VRK3: variants seen among roughly 807,000 people sequenced by gnomAD.
VRK3 encodes VRK serine/threonine kinase 3.
A neutral mutation model predicts 60.4 loss-of-function variants in VRK3; 50 were observed. The ratio of observed to expected loss-of-function variants is 0.83; its 90% CI spans 0.66 to 1.05. The LOEUF (loss-of-function observed/expected upper bound fraction) is 1.05, where lower values mean the gene tolerates loss of function less well. VRK3 is among the 50% of genes least tolerant of loss of function. VRK3 has a pLI of 0.00. For synonymous variants in VRK3, 246 were observed against 227.8 expected, an observed-to-expected ratio of 1.08 and a Z score of -0.72; for missense variants, 549 against 585.3, an observed-to-expected ratio of 0.94 and a Z score of 0.64.
intron 12 of VRK3, 69 bp from the exon 13 acceptor site, chr19:49,981,082 C>G: frequency 8.4e-7 from 1 of 1,188,052 alleles, no homozygotes. Flanking sequence ...AACAGAATGC[C>G]TAAGATATAT....
In VRK3 at chr19:49,988,451, T is replaced by G; in HGVS notation, c.1138A>C (p.Met380Leu). 1.9e-6 allele frequency: 3 copies of G among 1,613,768 alleles called. No homozygotes were observed. Among genetic ancestry groups the G allele is most frequent in the South Asian group, 2.2e-5 (2 of 91,060 alleles). Residue 380 changes from methionine (M) to leucine (L), a missense_variant, in exon 12 of 15, where the codon ATG becomes CTG. Physicochemically the swap from Met to Leu is conservative, Grantham distance 15. Transcript: ENST00000316763. ...AGAAACCCGTAGAGCCACTTCAGCA[T>G]GCAGTAGCCCAGGCTCTGGAGGTCG... ...RSDLQSLGYC[M>L]LKWLYGFLPW...
At chr19:50,007,073 G>A (rs2076904396) in intron 5 of VRK3, among the ~76,000 whole-genome samples, 1 of 152,140 alleles carries the variant, frequency 6.6e-6, no homozygotes, top group African/African-American at 2.4e-5. Context: ...AGGCATCTCA[G>A]ATCTGTGTGG....
chr19:49,987,258 C>T (rs1202438651), intron 12 of VRK3, among the ~76,000 whole-genome samples: 2 of 152,186 alleles, frequency 1.3e-5, no homozygotes, highest in African/African-American at 4.8e-5. Context: ...TGAACTCATA[C>T]CCACAGCGCT....
At chr19:49,993,828 G>A (rs1009970718) in intron 9 of VRK3, among the ~76,000 whole-genome samples, 23 of 152,006 alleles carry the variant, frequency 1.5e-4, no homozygotes, top group African/African-American at 3.4e-4. Context: ...CTCCACCCCC[G>A]GGGCCCGGGA....
intron 12 of VRK3, among the ~76,000 whole-genome samples, chr19:49,985,829 C>T (rs1042542809): frequency 2.6e-5 from 4 of 152,200 alleles, no homozygotes; most frequent in Non-Finnish European, 5.9e-5. Flanking sequence ...TCATAAGCCT[C>T]CTCCACTTGG....
In VRK3 at chr19:49,984,292, G is replaced by GT. The variant is rs1239711079; in HGVS notation, c.1218-3280dup. 5.3e-5 allele frequency among the ~76,000 whole-genome samples: 8 copies of GT among 152,284 alleles called. No individual in the cohort carries two copies. In the East Asian group the frequency reaches 7.7e-4, roughly 15 times the overall value. On this transcript the variant is annotated intron_variant, in intron 12 of 14. Transcript: ENST00000316763. ...GCCTCAGGAACCTGGCACTGAATGC[G>GT]TAAGTGGAGAGGGTTCAGAGCTGTG...
rs1000498962 is a variant in VRK3 at position 49,999,452 on chromosome 19, G to C, written c.612+1338C>G. Reference sequence around the variant, plus strand: ...GAATTGGGTCTGACCCATCTCTGCAGATGTCCCCAGCACTCAGTTCACAGG... The same window carrying C: ...GAATTGGGTCTGACCCATCTCTGCACATGTCCCCAGCACTCAGTTCACAGG... On this transcript the variant is annotated intron_variant, in intron 6 of 14. Transcript: ENST00000316763. 3.3e-5 allele frequency: 5 copies of C among 152,356 alleles called. 1 individual carries two copies. The highest frequency in any genetic ancestry group is 1.2e-4 in the African/African-American group (5 of 41,460). The allele number at this position is 152,356 out of a possible 1,614,324, so 9.4% of individuals were successfully genotyped here.
intron 14 of VRK3, among the ~76,000 whole-genome samples, chr19:49,978,295 A>G (rs2076365707): frequency 6.6e-6 from 1 of 152,222 alleles, no homozygotes; most frequent in African/African-American, 2.4e-5. Context: ...AACTCCGATG[A>G]GAGAAATGAC....
At chr19:49,991,143 C>T (rs887224175) in intron 10 of VRK3, among the ~76,000 whole-genome samples, 3 of 152,114 alleles carry the variant, frequency 2.0e-5, no homozygotes, top group African/African-American at 7.2e-5. Flanking sequence ...GGTGCCCAGA[C>T]ATTTGGCCAA....
intron 6 of VRK3, chr19:49,999,453 A>T (rs1212588546): frequency 6.6e-6 from 1 of 152,368 alleles, no homozygotes; most frequent in Non-Finnish European, 1.5e-5. Context: ...ATCTCTGCAG[A>T]TGTCCCCAGC....
At chr19:49,995,330 G>GT (rs1371371162) in intron 7 of VRK3, 55 bp from the exon 8 acceptor site, 5 of 1,513,792 alleles carry the variant, frequency 3.3e-6, no homozygotes, top group African/African-American at 2.7e-5. Flanking sequence ...GCCCATGGCA[G>GT]TAAGAGCTAG....
intron 4 of VRK3, chr19:50,008,910 C>G (rs1207118700): frequency 4.2e-6 from 1 of 238,284 alleles, no homozygotes; most frequent in Non-Finnish European, 8.2e-6. Context: ...AAAGTGTTTT[C>G]TGGGCAAAGA....
At chr19:50,016,355 A>G (rs11878915) in intron 2 of VRK3, among the ~76,000 whole-genome samples, 192 bp from the exon 3 acceptor site, 3,097 of 152,248 alleles carry the variant, frequency 0.02, 99 homozygotes, top group African/African-American at 0.071. Context: ...AAATATCAAT[A>G]TGCTCCCCTA....
chr19:49,996,944 G>C (rs1004412187), intron 7 of VRK3: 1 of 152,070 alleles, frequency 6.6e-6, no homozygotes. Context: ...AGTACTGGCT[G>C]TCTGTAACAA....
intron 6 of VRK3, chr19:49,998,554 C>T (rs548217557): frequency 4.0e-5 from 6 of 151,620 alleles, no homozygotes; most frequent in Non-Finnish European, 8.8e-5. Flanking sequence ...AGTATAGAGT[C>T]AAACAGATCT....
intron 2 of VRK3, among the ~76,000 whole-genome samples, chr19:50,018,538 C>G (rs1406771220): frequency 6.6e-6 from 1 of 152,190 alleles, no homozygotes; most frequent in African/African-American, 2.4e-5. Context: ...TGGCATAAAT[C>G]TGCCCTTCTG....
In VRK3 at chr19:49,994,749, C is replaced by A. The variant is rs1448130325; in HGVS notation, c.870+65G>T. ...GCCGGAAGTGTCAATGACTAAAGTGCCTGCTAAACTAGGATGTGATGTGCC... is the reference window on the plus strand; with the variant it reads ...GCCGGAAGTGTCAATGACTAAAGTGACTGCTAAACTAGGATGTGATGTGCC... On this transcript the variant is annotated intron_variant, in intron 9 of 14. Transcript: ENST00000316763. 5 of 1,437,108 alleles carry A rather than the reference C, an allele frequency of 3.5e-6. No individual in the cohort carries two copies. In the African/African-American group the frequency reaches 7.1e-5, roughly 20 times the overall value. 89.0% of individuals were successfully genotyped at this position (1,437,108 alleles called of 1,614,324 possible).
At chr19:50,002,595 A>C (rs1249304596) in intron 5 of VRK3, among the ~76,000 whole-genome samples, 1 of 152,148 alleles carries the variant, frequency 6.6e-6, no homozygotes, top group Non-Finnish European at 1.5e-5. Context: ...CAATTTTATA[A>C]TCTGCTTTGC....
rs530411148 is a variant in VRK3 at position 49,985,503 on chromosome 19, A to T, written c.1217+2869T>A. 2.0e-4 allele frequency among the ~76,000 whole-genome samples: 30 copies of T among 152,150 alleles called. No individual in the cohort carries two copies. The South Asian group carries it at 5.0e-3, about 25-fold the overall frequency. ...AAAGCTTCATGGTCCTTCAGGGGGC[A>T]TTTTACCTGTTACCATCGCTGCGAG... On this transcript the variant is annotated intron_variant, in intron 12 of 14. Coordinates refer to ENST00000316763, the MANE Select transcript of VRK3 (RefSeq NM_016440.4).
Sources: allele counts gnomAD v4.1 joint callset (sites outside exome capture counted in the v4.1 genomes callset), GRCh38; gene constraint gnomAD v4.1.1; transcripts MANE v1.5; gene names NCBI Gene and HGNC (gene_info 2026-07-23, HGNC 2026-07-21).